The following MEF2D variants were observed in gnomAD, a reference collection of about 807,000 sequenced individuals.
The protein encoded by MEF2D is myocyte enhancer factor 2D, also known as myocyte-specific enhancer factor 2D.
MEF2D carries 10 observed loss-of-function variants against 59.3 expected under a neutral mutation model. The observed-to-expected ratio is 0.17, with a 90% confidence interval of 0.10 to 0.29. The LOEUF (loss-of-function observed/expected upper bound fraction) is 0.29. MEF2D is among the 10% of genes least tolerant of loss of function. The pLI is 1.00. For synonymous variants in MEF2D, 305 were observed against 295.0 expected (o/e 1.03, Z -0.35); for missense variants, 508 against 699.4 (o/e 0.73, Z 3.09).
intron 11 of MEF2D, 158 bp downstream of exon 11, chr1:156,467,834 CA>C: frequency 9.3e-7 from 1 of 1,074,234 alleles, no homozygotes; most frequent in Admixed American, 2.8e-5. Flanking sequence ...GGGCCTTTGG[CA>C]GGGGTGAAGG....
chr1:156,469,280 T>TG (rs1294350759), intron 9 of MEF2D, among the ~76,000 whole-genome samples: 1 of 152,162 alleles, frequency 6.6e-6, no homozygotes, highest in Non-Finnish European at 1.5e-5. Flanking sequence ...TTTTTTGAGA[T>TG]GGAGTCTCAC....
chr1:156,466,699 C>G lies in MEF2D; in HGVS notation c.*946G>C, dbSNP rs1670867970. 6.5e-6 allele frequency: 1 copy of G among 152,936 alleles called. No individual in the cohort carries two copies. The highest frequency in any genetic ancestry group is 6.5e-5 in the Admixed American group (1 of 15,284). The allele number at this position is 152,936 out of a possible 1,614,324, so 9.5% of individuals were successfully genotyped here. ...CCAGGCCGACTCTCGCCCCAGCCAC[C>G]TCACTGAAGACCCTCTCCCCATTCT... is the stretch of plus-strand genomic sequence containing the variant. On this transcript the variant is annotated 3_prime_UTR_variant, in exon 12 of 12. Transcript: ENST00000348159.
chr1:156,465,513 CT>C lies in MEF2D; in HGVS notation c.*2131del, dbSNP rs1314122096. On this transcript the variant is annotated 3_prime_UTR_variant, in exon 12 of 12. Transcript: ENST00000348159. ...AGGGCTGTGGAGCTGGAGCAGCCAACTCTCCCTTTGTAAACACACACCAGGC... is the reference window on the plus strand; with the variant it reads ...AGGGCTGTGGAGCTGGAGCAGCCAACCTCCCTTTGTAAACACACACCAGGC... The C allele has an allele frequency of 6.6e-6, 1 of 152,402 alleles. No homozygotes were observed. Among genetic ancestry groups the C allele is most frequent in the African/African-American group, 2.4e-5 (1 of 41,390 alleles). 9.4% of individuals were successfully genotyped at this position (152,402 alleles called of 1,614,324 possible).
intron 1 of MEF2D, among the ~76,000 whole-genome samples, chr1:156,488,926 C>T (rs2102210473): frequency 6.6e-6 from 1 of 152,228 alleles, no homozygotes; most frequent in South Asian, 2.1e-4. Context: ...GGAGTACCTA[C>T]CTGTCCTTCT....
At chr1:156,496,864 C>A (rs1673160796) in intron 1 of MEF2D, among the ~76,000 whole-genome samples, 1 of 152,190 alleles carries the variant, frequency 6.6e-6, no homozygotes, top group South Asian at 2.1e-4. Context: ...GCTATTTCTC[C>A]CACAGCTCCA....
rs1475166538 is a variant in MEF2D, at chr1:156,468,612, G to A, written c.1247+168C>T. ...GGTTCAGGGTGAGCCTCTTGGGTCT[G>A]TACAAGAGAGCCCAGGGGTGCCACT... On this transcript the variant is annotated intron_variant, in intron 10 of 11. Transcript: ENST00000348159. This position sits in a 1 kb window ranked among gnomAD's most constrained non-coding sequence, Gnocchi z 4.3. Among the ~76,000 whole-genome samples, 2 of 152,140 alleles carry A rather than the reference G, an allele frequency of 1.3e-5. No individual in the cohort carries two copies. Among genetic ancestry groups the A allele is most frequent in the Non-Finnish European group, 2.9e-5 (2 of 68,012 alleles).
chr1:156,476,419 G>A (rs1330982295), intron 8 of MEF2D, 75 bp downstream of exon 8: 10 of 1,534,970 alleles, frequency 6.5e-6, no homozygotes, highest in East Asian at 4.6e-5. Context: ...GGACGCACAC[G>A]TACTTCATGC....
At chr1:156,480,254 C>T (rs1221695270) in intron 4 of MEF2D, among the ~76,000 whole-genome samples, 2 of 152,088 alleles carry the variant, frequency 1.3e-5, no homozygotes, top group Non-Finnish European at 2.9e-5. Flanking sequence ...ACCCCCACCT[C>T]GCTGCCTTCC....
chr1:156,480,631 G>A, intron 4 of MEF2D: 1 of 1,544,250 alleles, frequency 6.5e-7, no homozygotes, highest in Non-Finnish European at 8.7e-7. Flanking sequence ...TCTGCTCCAT[G>A]CGACTACTCA....
At position 156,466,059 on chromosome 1, in the gene MEF2D, C is replaced by A. The variant is rs968276924; in HGVS notation, c.*1586G>T. The A allele has an allele frequency of 2.0e-5, 3 of 152,190 alleles. No individual in the cohort carries two copies. The highest frequency in any genetic ancestry group is 7.2e-5 in the African/African-American group (3 of 41,430). 9.4% of individuals were successfully genotyped at this position (152,190 alleles called of 1,614,324 possible). A position where few individuals can be genotyped will look rare whatever the true frequency, so the allele number is the denominator to read the frequency against. ...CTAGAGAGCAGGCTGGGGGCCTGCC[C>A]CCTCTGGTTTGATCTCCAATCCTGC... is the stretch of plus-strand genomic sequence containing the variant. On this transcript the variant is annotated 3_prime_UTR_variant, in exon 12 of 12. Coordinates refer to ENST00000348159, the MANE Select transcript of MEF2D (RefSeq NM_005920.4).
Position 156,465,827 on chromosome 1 carries a change from G to C in MEF2D, c.*1818C>G, listed in dbSNP as rs1670804883. 1 of 152,162 alleles carries C rather than the reference G, an allele frequency of 6.6e-6. No homozygotes were observed. The highest frequency in any genetic ancestry group is 2.4e-5 in the African/African-American group (1 of 41,402). The allele number at this position is 152,162 out of a possible 1,614,324, so 9.4% of individuals were successfully genotyped here. ...TCCCTGCATCAAGTATGGGAATACT[G>C]CAAGAGGCTGGGTCATAGAGGTGGG... On this transcript the variant is annotated 3_prime_UTR_variant, in exon 12 of 12. Coordinates refer to ENST00000348159, the MANE Select transcript of MEF2D (RefSeq NM_005920.4).
chr1:156,498,927 G>A (rs1263569689), intron 1 of MEF2D, among the ~76,000 whole-genome samples: 2 of 152,206 alleles, frequency 1.3e-5, no homozygotes, highest in Non-Finnish European at 2.9e-5. Flanking sequence ...TCCCAGGCAG[G>A]GCCGTGGGAG....
chr1:156,476,606 C>A, intron 7 of MEF2D, 92 bp from the exon 8 acceptor site: 1 of 1,508,220 alleles, frequency 6.6e-7, no homozygotes, highest in East Asian at 2.3e-5. Context: ...AGTCACCTCT[C>A]TGCATAAGAG....
chr1:156,478,473 A>G (rs967128112), intron 6 of MEF2D, among the ~76,000 whole-genome samples: 1 of 152,164 alleles, frequency 6.6e-6, no homozygotes, highest in African/African-American at 2.4e-5. Flanking sequence ...AGACAATGGC[A>G]CAGGGTAGGA....
chr1:156,476,898 T>C (rs1671645338), intron 7 of MEF2D, 114 bp downstream of exon 7: 1 of 1,247,058 alleles, frequency 8.0e-7, no homozygotes, highest in Admixed American at 2.2e-5. Flanking sequence ...AGATTTATCT[T>C]GGGAAGTCCT....
intron 4 of MEF2D, among the ~76,000 whole-genome samples, chr1:156,480,134 C>A (rs995540340): frequency 6.6e-6 from 1 of 152,102 alleles, no homozygotes; most frequent in African/African-American, 2.4e-5. Context: ...AGGTTAGAGG[C>A]CCTGATAACA....
rs1670924286 is a variant in MEF2D at position 156,467,507 on chromosome 1, C to T, written c.*138G>A. 1 of 473,934 alleles carries T rather than the reference C, an allele frequency of 2.1e-6. No homozygotes were observed. The highest frequency in any genetic ancestry group is 3.7e-6 in the Non-Finnish European group (1 of 273,542). 29.4% of individuals were successfully genotyped at this position (473,934 alleles called of 1,614,324 possible). On this transcript the variant is annotated 3_prime_UTR_variant, in exon 12 of 12. Transcript: ENST00000348159. ...ATAATAATAATATAATAATTATACA[C>T]AAATGTAACCGTCAACAGGACACGA... is the stretch of plus-strand genomic sequence containing the variant.
intron 1 of MEF2D, chr1:156,484,350 C>T (rs2102159984): frequency 1.3e-5 from 2 of 152,326 alleles, no homozygotes; most frequent in South Asian, 4.1e-4. Flanking sequence ...GTTGTAACTA[C>T]TCAACTCTGT....
chr1:156,473,482 G>C (rs1180101911), intron 9 of MEF2D, among the ~76,000 whole-genome samples: 1 of 152,214 alleles, frequency 6.6e-6, no homozygotes, highest in Non-Finnish European at 1.5e-5. Context: ...TCACATGTGA[G>C]AGAACCTGAG....
Sources: allele counts gnomAD v4.1 joint callset (sites outside exome capture counted in the v4.1 genomes callset), GRCh38; gene constraint gnomAD v4.1.1; non-coding constraint Gnocchi (gnomAD v3.1); transcripts MANE v1.5; gene names NCBI Gene and HGNC (gene_info 2026-07-23, HGNC 2026-07-21).